ADAM7: variants seen among roughly 807,000 people sequenced by gnomAD.
ADAM7 encodes disintegrin and metalloproteinase domain-containing protein 7.
ADAM7 carries 97 observed loss-of-function variants against 102.9 expected under a neutral mutation model. The ratio of observed to expected loss-of-function variants is 0.94; its 90% CI spans 0.80 to 1.12. ADAM7 has a LOEUF of 1.12. Ranked by LOEUF, ADAM7 falls within the 50% of genes most tolerant of loss-of-function variation. The pLI is 0.00. For missense variants in ADAM7, 991 were observed against 908.7 expected, an observed-to-expected ratio of 1.09 and a Z score of -1.16; for synonymous variants, 334 against 304.4, an observed-to-expected ratio of 1.10 and a Z score of -1.01.
intron 16 of ADAM7, among the ~76,000 whole-genome samples, chr8:24,494,400 T>C (rs369555124): frequency 2.6e-4 from 39 of 152,122 alleles, no homozygotes; most frequent in African/African-American, 9.2e-4. Context: ...AGCCTGAGGT[T>C]GAAGAAAATA....
intron 3 of ADAM7, among the ~76,000 whole-genome samples, chr8:24,452,765 G>T (rs1353422967): frequency 1.3e-5 from 2 of 151,654 alleles, no homozygotes; most frequent in African/African-American, 4.9e-5. Flanking sequence ...TTACAATTTG[G>T]CATGATTTTG....
At chr8:24,499,650 C>T (rs13259759) in intron 17 of ADAM7, among the ~76,000 whole-genome samples, 40,888 of 151,970 alleles carry the variant, frequency 0.27, 6,364 homozygotes, top group South Asian at 0.39. Flanking sequence ...TTAAATTACA[C>T]CAATGTCAAG....
chr8:24,445,809 T>A (rs941447547), intron 2 of ADAM7, among the ~76,000 whole-genome samples: 1 of 152,218 alleles, frequency 6.6e-6, no homozygotes, highest in African/African-American at 2.4e-5. Context: ...TCTATTCAAC[T>A]TACACCTGAT....
intron 11 of ADAM7, 50 bp from the exon 12 acceptor site, chr8:24,489,109 A>T (rs1314256879): frequency 6.6e-7 from 1 of 1,521,736 alleles, no homozygotes; most frequent in Non-Finnish European, 8.9e-7. Context: ...CCACTGTACC[A>T]CTATGCATTG....
intron 3 of ADAM7, among the ~76,000 whole-genome samples, chr8:24,462,765 A>G (rs1342219692): frequency 1.3e-5 from 2 of 152,190 alleles, no homozygotes; most frequent in Non-Finnish European, 2.9e-5. Context: ...ACCACTCCTA[A>G]TATTCCAAAT....
chr8:24,495,982 A>T (rs1244596061), intron 16 of ADAM7, among the ~76,000 whole-genome samples: 3 of 152,224 alleles, frequency 2.0e-5, no homozygotes, highest in East Asian at 1.9e-4. Context: ...TCTCCAGAGC[A>T]TGTCACAGGT....
intron 7 of ADAM7, among the ~76,000 whole-genome samples, chr8:24,475,407 G>A (rs929508829): frequency 6.6e-6 from 1 of 152,076 alleles, no homozygotes; most frequent in Non-Finnish European, 1.5e-5. Flanking sequence ...AGGAGTGTCC[G>A]GGGTAATAGA....
chr8:24,456,162 T>C (rs1381068693), intron 3 of ADAM7, among the ~76,000 whole-genome samples: 1 of 152,174 alleles, frequency 6.6e-6, no homozygotes, highest in Non-Finnish European at 1.5e-5. Context: ...TGACCACCAT[T>C]TTATTCTCTG....
At chr8:24,463,802 C>T in intron 3 of ADAM7, 80 bp from the exon 4 acceptor site, 2 of 1,222,162 alleles carry the variant, frequency 1.6e-6, no homozygotes, top group Non-Finnish European at 1.2e-6. Flanking sequence ...AAACTGGACA[C>T]TTCTCCATCA....
chr8:24,496,410 G>A (rs1435375706), intron 16 of ADAM7, among the ~76,000 whole-genome samples: 1 of 152,212 alleles, frequency 6.6e-6, no homozygotes, highest in Admixed American at 6.5e-5. Context: ...TTGCCTAGTG[G>A]AGCTGTAAGA....
chr8:24,462,658 A>C (rs1304233786), intron 3 of ADAM7, among the ~76,000 whole-genome samples: 1 of 152,200 alleles, frequency 6.6e-6, no homozygotes, highest in Non-Finnish European at 1.5e-5. Flanking sequence ...ATATTTATAC[A>C]TGGAATGTCT....
At chr8:24,455,852 A>T (rs1398403601) in intron 3 of ADAM7, among the ~76,000 whole-genome samples, 1 of 152,246 alleles carries the variant, frequency 6.6e-6, no homozygotes, top group Non-Finnish European at 1.5e-5. Flanking sequence ...TAATTTGACA[A>T]ACTATGATTG....
chr8:24,465,230 T>C (rs764158820), intron 4 of ADAM7, among the ~76,000 whole-genome samples: 2 of 152,114 alleles, frequency 1.3e-5, no homozygotes, highest in Admixed American at 1.3e-4. Flanking sequence ...GTGTCATCCA[T>C]AGGGAGGATT....
intron 3 of ADAM7, among the ~76,000 whole-genome samples, chr8:24,459,702 C>G (rs188245487): frequency 4.9e-4 from 74 of 152,266 alleles, no homozygotes; most frequent in African/African-American, 1.7e-3. Context: ...TCAAGCAATT[C>G]TCCTGCCTTG....
At chr8:24,463,062 TA>T (rs1819302034) in intron 3 of ADAM7, among the ~76,000 whole-genome samples, 1 of 152,180 alleles carries the variant, frequency 6.6e-6, no homozygotes, top group African/African-American at 2.4e-5. Context: ...CTCGAATGCT[TA>T]TTGTCTTCAC....
rs765404485 is a variant in ADAM7 at position 24,487,178 on chromosome 8, T to C, written c.961-9T>C. 1.2e-6 allele frequency: 2 copies of C among 1,612,820 alleles called. No individual in the cohort carries two copies. Among genetic ancestry groups the C allele is most frequent in the South Asian group, 2.2e-5 (2 of 90,974 alleles). ...TTGAAAATTTCTAATGCAATTGTTT[T>C]ATCATCAGGATCTTTTACCTGACAC... On this transcript the variant is annotated splice_polypyrimidine_tract_variant and intron_variant, in intron 10 of 21. Coordinates refer to ENST00000175238, the MANE Select transcript of ADAM7 (RefSeq NM_003817.4).
chr8:24,487,146 C>T, intron 10 of ADAM7, 41 bp from the exon 11 acceptor site: 1 of 1,599,834 alleles, frequency 6.3e-7, no homozygotes, highest in Middle Eastern at 1.7e-4. Context: ...CTACAGTATG[C>T]TAACTTTTGA....
In ADAM7 at chr8:24,441,190, C is replaced by A. The variant is rs1164395701; in HGVS notation, c.52+30C>A. The A allele has an allele frequency of 3.2e-6, 5 of 1,581,990 alleles. No individual in the cohort carries two copies. In the East Asian group the frequency reaches 1.1e-4, roughly 35 times the overall value. The stretch of plus-strand genomic sequence containing the variant: ...GTCTTGCTCTTTTTATCAGGACTTT[C>A]TTATTATGCTGTGAGGTTGTGTCTC... On this transcript the variant is annotated intron_variant, in intron 1 of 21. Coordinates refer to ENST00000175238, the MANE Select transcript of ADAM7 (RefSeq NM_003817.4).
intron 7 of ADAM7, 46 bp from the exon 8 acceptor site, chr8:24,476,387 C>T: frequency 7.2e-7 from 1 of 1,385,550 alleles, no homozygotes; most frequent in Admixed American, 1.8e-5. Context: ...AGCTTTTATG[C>T]AACTCCTATT....
Sources: allele counts gnomAD v4.1 joint callset (sites outside exome capture counted in the v4.1 genomes callset), GRCh38; gene constraint gnomAD v4.1.1; transcripts MANE v1.5; gene names NCBI Gene and HGNC (gene_info 2026-07-23, HGNC 2026-07-21).